The following SPRY3 variants were observed in gnomAD, a reference collection of about 807,000 sequenced individuals.
The protein encoded by SPRY3 is protein sprouty homolog 3.
A neutral mutation model predicts 20.2 loss-of-function variants in SPRY3; 15 were observed. That is an observed-to-expected ratio of 0.74 (90% CI 0.50 to 1.14). The LOEUF (loss-of-function observed/expected upper bound fraction) is 1.14. Among genes scored for constraint, SPRY3 ranks in the 50% most tolerant of loss-of-function variants. SPRY3 has a pLI of 0.00. For missense variants in SPRY3, 364 were observed against 363.9 expected, an observed-to-expected ratio of 1.00 and a Z score of 0.00; for synonymous variants, 143 against 136.5, an observed-to-expected ratio of 1.05 and a Z score of -0.33.
chrX:155,754,067 G>T (rs1275815333), intron 2 of SPRY3, among the ~76,000 whole-genome samples: 1 of 151,560 alleles, frequency 6.6e-6, no homozygotes, highest in African/African-American at 2.4e-5. Flanking sequence ...TATATTTTTG[G>T]CAGGAAAAAA....
chrX:155,780,613 G>C (rs2091457584), downstream of SPRY3: 1 of 166,860 alleles, frequency 6.0e-6, no homozygotes, highest in Non-Finnish European at 1.5e-5. Flanking sequence ...TATAGTCTTG[G>C]ATAGAAAATC....
At chrX:155,750,441 A>T (rs889444412) in intron 2 of SPRY3, among the ~76,000 whole-genome samples, 7 of 151,912 alleles carry the variant, frequency 4.6e-5, no homozygotes, top group Admixed American at 3.3e-4. Context: ...GAAATCATTT[A>T]AAAAAATGAA....
chrX:155,672,347 T>A (rs1462066818), intron 2 of SPRY3, among the ~76,000 whole-genome samples: 2 of 109,278 alleles, frequency 1.8e-5, no homozygotes, highest in South Asian at 7.8e-4. Context: ...GAATCTACAA[T>A]GAACTCAAAC....
chrX:155,677,782 AT>A lies in SPRY3; in HGVS notation c.-282+20758del, dbSNP rs756629685. 3.8e-3 allele frequency among the ~76,000 whole-genome samples: 428 copies of A among 111,952 alleles called. 2 individuals carry two copies. Among genetic ancestry groups the A allele is most frequent in the African/African-American group, 0.014 (417 of 30,862 alleles). On this transcript the variant is annotated intron_variant, in intron 2 of 3. Transcript: ENST00000675360. ...CCTACAAACCTAGAAGGAACATGCA[AT>A]GTCTGTGGACTTCAGTCATGCTCCA...
At chrX:155,721,379 G>A (rs990962383) in intron 2 of SPRY3, among the ~76,000 whole-genome samples, 9 of 152,112 alleles carry the variant, frequency 5.9e-5, no homozygotes, top group Non-Finnish European at 1.2e-4. Flanking sequence ...AGGGTAGAAA[G>A]TTTATTCAAA....
chrX:155,742,745 T>C (rs2091209389), intron 2 of SPRY3, among the ~76,000 whole-genome samples: 1 of 152,098 alleles, frequency 6.6e-6, no homozygotes, highest in Non-Finnish European at 1.5e-5. Context: ...TCTGAGTGAA[T>C]AATGAAATTA....
At chrX:155,626,471 T>C (rs2067888606) in intron 1 of SPRY3, among the ~76,000 whole-genome samples, 1 of 111,548 alleles carries the variant, frequency 9.0e-6, no homozygotes, top group Non-Finnish European at 1.9e-5. Flanking sequence ...ATATATGATT[T>C]GCAAAATTTT....
chrX:155,719,345 T>G (rs1470929992), intron 2 of SPRY3, among the ~76,000 whole-genome samples: 2 of 152,130 alleles, frequency 1.3e-5, no homozygotes, highest in African/African-American at 2.4e-5. Flanking sequence ...TACAGTGGGC[T>G]ATAGTGCTCT....
chrX:155,765,293 CAGCCTGA>C (rs1465142979), intron 2 of SPRY3, among the ~76,000 whole-genome samples: 4 of 44,628 alleles, frequency 9.0e-5, no homozygotes, highest in South Asian at 1.2e-3. Flanking sequence ...TGGAGTGAGA[CAGCCTGA>C]GTCAGCCTGA....
intron 1 of SPRY3, among the ~76,000 whole-genome samples, chrX:155,634,243 C>T (rs2067916568): frequency 9.0e-6 from 1 of 111,317 alleles, no homozygotes; most frequent in South Asian, 3.8e-4. Context: ...GCAAGCCATC[C>T]ACCTGGTGAC....
intron 2 of SPRY3, among the ~76,000 whole-genome samples, chrX:155,671,229 C>T (rs150522543): frequency 0.027 from 3,063 of 111,565 alleles, 46 homozygotes; most frequent in Non-Finnish European, 0.043. Flanking sequence ...TTATTCTGAA[C>T]TGGTTTTCAT....
At chrX:155,764,918 A>G (rs914220808) in intron 2 of SPRY3, among the ~76,000 whole-genome samples, 10 of 152,218 alleles carry the variant, frequency 6.6e-5, no homozygotes, top group African/African-American at 1.2e-4. Context: ...TTACAGTTGT[A>G]AAGGCTGGGA....
Position 155,731,086 on chromosome X carries a change from C to T in SPRY3, c.-281-36876C>T, listed in dbSNP as rs1204577320. Among the ~76,000 whole-genome samples, 7 of 151,952 alleles carry T rather than the reference C, an allele frequency of 4.6e-5. No homozygotes were observed. The East Asian group carries it at 1.3e-3, about 29-fold the overall frequency. On this transcript the variant is annotated intron_variant, in intron 2 of 3. Coordinates refer to ENST00000675360, the Ensembl canonical transcript of SPRY3. The stretch of plus-strand genomic sequence containing the variant: ...ATATTGTAAAAATGTCCATACTACC[C>T]AAAGCAATCTACAGATTCATAGCAA...
At chrX:155,744,439 G>T (rs1453101343) in intron 2 of SPRY3, among the ~76,000 whole-genome samples, 1 of 152,118 alleles carries the variant, frequency 6.6e-6, no homozygotes, top group East Asian at 1.9e-4. Context: ...TAGGGCTCCT[G>T]CTTCCTGGAG....
intron 2 of SPRY3, among the ~76,000 whole-genome samples, chrX:155,709,482 A>G (rs2090972414): frequency 6.6e-6 from 1 of 151,506 alleles, no homozygotes; most frequent in South Asian, 2.1e-4. Flanking sequence ...AATGTCTTCA[A>G]GTCTTTTGCC....
At chrX:155,778,601 C>T (rs1450185260), downstream of SPRY3, 2 of 166,980 alleles carry the variant, frequency 1.2e-5, no homozygotes, top group Non-Finnish European at 2.9e-5. Context: ...TAACATTCAA[C>T]CTTATTGATT....
At chrX:155,730,651 G>A (rs1422445568) in intron 2 of SPRY3, among the ~76,000 whole-genome samples, 1 of 151,996 alleles carries the variant, frequency 6.6e-6, no homozygotes, top group Non-Finnish European at 1.5e-5. Context: ...AGCATTAGAA[G>A]TCCTAGCTAG....
chrX:155,759,043 C>A (rs1356507414), intron 2 of SPRY3, among the ~76,000 whole-genome samples: 1 of 151,486 alleles, frequency 6.6e-6, no homozygotes, highest in Admixed American at 6.6e-5. Context: ...CATGCCGTTT[C>A]TCTGCTCTCA....
intron 1 of SPRY3, among the ~76,000 whole-genome samples, chrX:155,649,749 A>T (rs1330784628): frequency 9.0e-6 from 1 of 111,517 alleles, no homozygotes; most frequent in Non-Finnish European, 1.9e-5. Flanking sequence ...TATTCAACAT[A>T]GTATTGGAAG....
Sources: gnomAD v4.1 joint callset for allele counts (sites outside exome capture counted in the v4.1 genomes callset) on GRCh38, gnomAD v4.1.1 for gene constraint, MANE v1.5 for transcripts, NCBI Gene and HGNC (gene_info 2026-07-23, HGNC 2026-07-21) for gene names.